GSTZ1: variants seen among roughly 807,000 people sequenced by gnomAD.
GSTZ1 encodes maleylacetoacetate isomerase.
In GSTZ1, 34 loss-of-function variants were observed where a neutral mutation model predicts 35.9. That is an observed-to-expected ratio of 0.95 (90% CI 0.72 to 1.26). GSTZ1 has a LOEUF of 1.26. Ranked by LOEUF, GSTZ1 falls within the 50% of genes most tolerant of loss-of-function variation. The pLI is 0.00. For synonymous variants in GSTZ1, 93 were observed against 101.2 expected (o/e 0.92, Z 0.49); for missense variants, 263 against 271.7 (o/e 0.97, Z 0.23).
Position 77,324,959 on chromosome 14 carries a change from G to C in GSTZ1, c.67+38G>C, listed in dbSNP as rs778517696. On this transcript the variant is annotated intron_variant, in intron 2 of 8. Coordinates refer to ENST00000216465, the MANE Select transcript of GSTZ1 (RefSeq NM_145870.3). The stretch of plus-strand genomic sequence containing the variant: ...CCTCCTCCAGGATGAGTGCTGGAGT[G>C]GGGTGGACTGGGGCGGATAAGCCCG... 6 of 1,537,410 alleles carry C rather than the reference G, an allele frequency of 3.9e-6. No homozygotes were observed. In the South Asian group the frequency reaches 4.5e-5, roughly 11 times the overall value.
chr14:77,327,087 C>T, intron 3 of GSTZ1, 182 bp downstream of exon 3: 1 of 615,788 alleles, frequency 1.6e-6, no homozygotes, highest in Non-Finnish European at 2.9e-6. Context: ...AGCAGGAGGC[C>T]TGGGAAGGGC....
rs757557107 is a variant in GSTZ1 at position 77,328,049 on chromosome 14, G to T, written c.342+12G>T. The T allele has an allele frequency of 1.2e-6, 2 of 1,612,878 alleles. No individual in the cohort carries two copies. Among genetic ancestry groups the T allele is most frequent in the Non-Finnish European group, 1.7e-6 (2 of 1,179,526 alleles). On this transcript the variant is annotated intron_variant, in intron 5 of 8. Transcript: ENST00000216465. ...TCCAGCCCCTGCAGGTGTGGCACTT[G>T]TACACTTGCACCCTTGCACACCTGA...
At chr14:77,328,221 C>T (rs772287467) in intron 5 of GSTZ1, 184 bp downstream of exon 5, 8 of 640,422 alleles carry the variant, frequency 1.2e-5, no homozygotes, top group Non-Finnish European at 2.1e-5. Context: ...AGCCCCCCAG[C>T]GGGTCCCCCG....
intron 1 of GSTZ1, chr14:77,323,586 G>A (rs1339480276): frequency 6.6e-6 from 1 of 152,088 alleles, no homozygotes; most frequent in Non-Finnish European, 1.5e-5. Context: ...GTGATCTGCT[G>A]GCCTCAGCCT....
intron 3 of GSTZ1, 161 bp downstream of exon 3, chr14:77,327,066 A>AG: frequency 1.6e-6 from 1 of 637,582 alleles, no homozygotes; most frequent in Non-Finnish European, 2.8e-6. Flanking sequence ...CAAGGTGGCA[A>AG]GGTGTGCAGT....
intron 1 of GSTZ1, 126 bp from the exon 2 acceptor site, chr14:77,324,744 C>A: frequency 8.5e-7 from 1 of 1,169,626 alleles, no homozygotes; most frequent in Non-Finnish European, 1.3e-6. Flanking sequence ...TGGAGTCTGC[C>A]CTGATTTGCA....
rs369727586 is a variant in GSTZ1, at chr14:77,329,702, T to C, written c.422-53T>C. ...CTATGGAGGCCAAGGCCCAGAAAGC[T>C]TTGTGTCCCCTCCCTGCGCCCAGAA... On this transcript the variant is annotated intron_variant, in intron 6 of 8. Coordinates refer to ENST00000216465, the MANE Select transcript of GSTZ1 (RefSeq NM_145870.3). 4.5e-4 allele frequency: 652 copies of C among 1,435,190 alleles called. 1 individual carries two copies. Among genetic ancestry groups the C allele is most frequent in the Non-Finnish European group, 5.9e-4 (604 of 1,016,846 alleles). 88.9% of individuals were successfully genotyped at this position (1,435,190 alleles called of 1,614,324 possible).
chr14:77,328,714 G>C (rs77081668), intron 5 of GSTZ1: 1 of 188,948 alleles, frequency 5.3e-6, no homozygotes, highest in African/African-American at 2.4e-5. Flanking sequence ...TCTGGAAGCC[G>C]GTCTTGTGGA....
Position 77,328,679 on chromosome 14 carries a change from C to T in GSTZ1, c.343-444C>T, listed in dbSNP as rs1451029326. 3.8e-5 allele frequency: 7 copies of T among 184,712 alleles called. No individual in the cohort carries two copies. In the South Asian group the frequency reaches 8.6e-4, roughly 23 times the overall value. 11.4% of individuals were successfully genotyped at this position (184,712 alleles called of 1,614,324 possible). A position where few individuals can be genotyped will look rare whatever the true frequency, so the allele number is the denominator to read the frequency against. The stretch of plus-strand genomic sequence containing the variant: ...CAGAGGGAAAATGGCTCCAGGGGTG[C>T]CAAGATGGAGCCAGGCTGGAAATCT... On this transcript the variant is annotated intron_variant, in intron 5 of 8. Transcript: ENST00000216465.
Position 77,329,560 on chromosome 14 carries a change from T to G in GSTZ1, c.422-195T>G, listed in dbSNP as rs1256127450. The G allele has an allele frequency of 6.6e-6, 4 of 604,176 alleles. No homozygotes were observed. In the Admixed American group the frequency reaches 8.6e-5, roughly 13 times the overall value. The allele number at this position is 604,176 out of a possible 1,614,324, so 37.4% of individuals were successfully genotyped here. A position where few individuals can be genotyped will look rare whatever the true frequency, so the allele number is the denominator to read the frequency against. On this transcript the variant is annotated intron_variant, in intron 6 of 8. Coordinates refer to ENST00000216465, the MANE Select transcript of GSTZ1 (RefSeq NM_145870.3). The stretch of plus-strand genomic sequence containing the variant: ...CTCGAGTGGGGAAATGGTGATTGTC[T>G]GTGCGGAGCCTCAGGAAACAGCAGC...
intron 1 of GSTZ1, chr14:77,321,436 C>T: frequency 6.6e-7 from 1 of 1,524,158 alleles, no homozygotes; most frequent in Non-Finnish European, 8.8e-7. Flanking sequence ...TCCGGTCGCG[C>T]TTCACTTCTG....
rs368562998 is a variant in GSTZ1 at position 77,327,398 on chromosome 14, TCTC to T, written c.136-71_136-69del. 375 of 874,894 alleles carry T rather than the reference TCTC, an allele frequency of 4.3e-4. No individual in the cohort carries two copies. The African/African-American group carries it at 4.8e-3, about 11-fold the overall frequency. 54.2% of individuals were successfully genotyped at this position (874,894 alleles called of 1,614,324 possible). ...TGGGGGTGGGTGGCAGGCCTGGGGT[TCTC>T]CTGCTTGCTTGGCTTTCCTCTGGCC... On this transcript the variant is annotated intron_variant, in intron 3 of 8. Transcript: ENST00000216465.
At chr14:77,328,121 G>C in intron 5 of GSTZ1, 84 bp downstream of exon 5, 1 of 1,445,866 alleles carries the variant, frequency 6.9e-7, no homozygotes, top group Non-Finnish European at 9.6e-7. Flanking sequence ...CAGTGTGGGG[G>C]CGGGGGTGTC....
chr14:77,326,583 T>G (rs1264586731), intron 2 of GSTZ1: 40 of 433,842 alleles, frequency 9.2e-5, no homozygotes, highest in Middle Eastern at 6.4e-4. Context: ...GAGGGCCCCA[T>G]TGGGGGGGTC....
At chr14:77,326,803 T>A in intron 2 of GSTZ1, 35 bp from the exon 3 acceptor site, 1 of 1,496,768 alleles carries the variant, frequency 6.7e-7, no homozygotes, top group Non-Finnish European at 9.2e-7. Context: ...GGCGAGAGGC[T>A]GTTCTTTGAC....
At chr14:77,324,156 T>TTA (rs1364742658) in intron 1 of GSTZ1, 1 of 149,368 alleles carries the variant, frequency 6.7e-6, no homozygotes, top group Admixed American at 6.6e-5. Context: ...AAATGCCTTT[T>TTA]TTTTTTTTTT....
At chr14:77,328,952 C>T (rs974883752) in intron 5 of GSTZ1, 171 bp from the exon 6 acceptor site, 2 of 563,284 alleles carry the variant, frequency 3.6e-6, no homozygotes, top group Admixed American at 6.0e-5. Context: ...GGCTACCTCC[C>T]TCCAACCTCA....
rs1892619410 is a variant in GSTZ1, at chr14:77,331,354, T to A, written c.*159T>A. ...AACTTGTTCCACCTCAGTCCCCTCA[T>A]CTGTCACACGCATGTGGGGTGGAGT... On this transcript the variant is annotated 3_prime_UTR_variant, in exon 9 of 9. Transcript: ENST00000216465. The A allele has an allele frequency of 1.3e-6, 1 of 784,136 alleles. No individual in the cohort carries two copies. Among genetic ancestry groups the A allele is most frequent in the African/African-American group, 1.7e-5 (1 of 57,680 alleles). The allele number at this position is 784,136 out of a possible 1,614,324, so 48.6% of individuals were successfully genotyped here. A position where few individuals can be genotyped will look rare whatever the true frequency, so the allele number is the denominator to read the frequency against.
rs565475551 is a variant in GSTZ1, at chr14:77,324,616, T to G, written c.16-254T>G. On this transcript the variant is annotated intron_variant, in intron 1 of 8. Coordinates refer to ENST00000216465, the MANE Select transcript of GSTZ1 (RefSeq NM_145870.3). The stretch of plus-strand genomic sequence containing the variant: ...GTCACCACGATACCATGACAGAGTC[T>G]GGCAAGGTATGGAAGGCACTCTCAG... 11 of 1,532,314 alleles carry G rather than the reference T, an allele frequency of 7.2e-6. No individual in the cohort carries two copies. The African/African-American group carries it at 1.4e-4, about 19-fold the overall frequency. The allele number at this position is 1,532,314 out of a possible 1,614,324, so 94.9% of individuals were successfully genotyped here.
Sources: allele counts gnomAD v4.1 joint callset, GRCh38; gene constraint gnomAD v4.1.1; transcripts MANE v1.5; gene names NCBI Gene and HGNC (gene_info 2026-07-23, HGNC 2026-07-21).